SEC14L1: variants seen among roughly 807,000 people sequenced by gnomAD.
SEC14L1 encodes SEC14 like lipid binding 1, also known as SEC14-like protein 1.
SEC14L1 carries 48 observed loss-of-function variants against 85.3 expected under a neutral mutation model. The observed-to-expected ratio is 0.56, with a 90% CI of 0.45 to 0.72. The LOEUF is 0.72. Ranked by LOEUF, SEC14L1 falls within the 30% of genes least tolerant of loss-of-function variation. SEC14L1 has a pLI of 0.00. For synonymous variants in SEC14L1, 391 were observed against 355.5 expected (o/e 1.10, Z -1.12); for missense variants, 682 against 921.4 (o/e 0.74, Z 3.36).
chr17:77,175,933 TG>T (rs1241486004), intron 3 of SEC14L1, among the ~76,000 whole-genome samples: 2 of 152,082 alleles, frequency 1.3e-5, no homozygotes, highest in Non-Finnish European at 2.9e-5. Flanking sequence ...CTGATTGGTT[TG>T]TGAGTATGCA....
chr17:77,103,508 C>T (rs2143326194), intron 3 of SEC14L1, among the ~76,000 whole-genome samples: 1 of 150,778 alleles, frequency 6.6e-6, no homozygotes, highest in Middle Eastern at 3.5e-3. Flanking sequence ...GTGGTGTCAT[C>T]TCAGCTCACT....
At chr17:77,203,921 C>G (rs1361066969) in intron 10 of SEC14L1, among the ~76,000 whole-genome samples, 1 of 152,140 alleles carries the variant, frequency 6.6e-6, no homozygotes, top group Non-Finnish European at 1.5e-5. Flanking sequence ...TTTTCATTCA[C>G]TCCCATGTGG....
intron 3 of SEC14L1, among the ~76,000 whole-genome samples, chr17:77,103,175 C>T (rs938429328): frequency 6.6e-6 from 1 of 151,618 alleles, no homozygotes; most frequent in Admixed American, 6.6e-5. Context: ...TGCAGTGGCA[C>T]GATCTCAGCT....
At chr17:77,158,193 C>G (rs1156927421) in intron 3 of SEC14L1, among the ~76,000 whole-genome samples, 1 of 152,218 alleles carries the variant, frequency 6.6e-6, no homozygotes, top group Non-Finnish European at 1.5e-5. Context: ...CGGCCTGTAA[C>G]CACTTTTAAG....
At chr17:77,190,691 G>T in intron 3 of SEC14L1, 112 bp from the exon 4 acceptor site, 1 of 1,023,282 alleles carries the variant, frequency 9.8e-7, no homozygotes. Context: ...CAGTTGTGGC[G>T]CTGCCTGTTG....
In SEC14L1 at chr17:77,203,494, G is replaced by A. The variant is rs140085952; in HGVS notation, c.1010-76G>A. The A allele has an allele frequency of 9.2e-5, 118 of 1,284,592 alleles. No individual in the cohort carries two copies. The East Asian group carries it at 2.6e-3, about 28-fold the overall frequency. The allele number at this position is 1,284,592 out of a possible 1,614,324, so 79.6% of individuals were successfully genotyped here. On this transcript the variant is annotated intron_variant, in intron 9 of 16. Coordinates refer to ENST00000436233, the MANE Select transcript of SEC14L1 (RefSeq NM_001143998.2). The stretch of plus-strand genomic sequence containing the variant: ...AGAACACAGGCGAACACATATTCCT[G>A]TTAAGGGTCTTAGAGTTGTATCCTC...
chr17:77,149,224 T>TG (rs1255842672), intron 3 of SEC14L1, among the ~76,000 whole-genome samples: 13 of 152,240 alleles, frequency 8.5e-5, no homozygotes, highest in Non-Finnish European at 1.8e-4. Flanking sequence ...TCTTGAGTGT[T>TG]GCTCTCATAC....
At chr17:77,102,464 A>C (rs1301997353) in intron 3 of SEC14L1, among the ~76,000 whole-genome samples, 1 of 152,138 alleles carries the variant, frequency 6.6e-6, no homozygotes, top group Non-Finnish European at 1.5e-5. Flanking sequence ...AGGATATGGA[A>C]GTGAAGGGTA....
At chr17:77,141,563 T>G (rs1479114465) in intron 1 of SEC14L1, 2 of 152,086 alleles carry the variant, frequency 1.3e-5, no homozygotes. Context: ...TTGGCTCCTG[T>G]TTAAACAGCG....
intron 3 of SEC14L1, among the ~76,000 whole-genome samples, chr17:77,131,384 C>T (rs1005258568): frequency 6.6e-6 from 1 of 152,164 alleles, no homozygotes; most frequent in African/African-American, 2.4e-5. Context: ...ATTCCCCAGC[C>T]TCAGCCTCCC....
At chr17:77,147,036 C>T (rs1295658305) in intron 3 of SEC14L1, among the ~76,000 whole-genome samples, 2 of 152,176 alleles carry the variant, frequency 1.3e-5, no homozygotes, top group African/African-American at 2.4e-5. Flanking sequence ...CTTCCGCCGG[C>T]GGACTTGTGA....
intron 2 of SEC14L1, among the ~76,000 whole-genome samples, chr17:77,092,616 TA>T (rs1971543603): frequency 6.6e-6 from 1 of 152,110 alleles, no homozygotes; most frequent in African/African-American, 2.4e-5. Flanking sequence ...AGCAGGTTTC[TA>T]AGGGCAACGT....
At chr17:77,159,762 TGAAAA>T (rs1973978796) in intron 3 of SEC14L1, among the ~76,000 whole-genome samples, 1 of 152,236 alleles carries the variant, frequency 6.6e-6, no homozygotes, top group African/African-American at 2.4e-5. Context: ...TTCCATCTGT[TGAAAA>T]TACAGCTTTA....
chr17:77,120,766 T>C (rs1598249209), intron 3 of SEC14L1, among the ~76,000 whole-genome samples: 1 of 152,180 alleles, frequency 6.6e-6, no homozygotes, highest in South Asian at 2.1e-4. Context: ...CGTGAGCCAC[T>C]GCGACCGGCC....
At chr17:77,163,602 T>A (rs544187923) in intron 3 of SEC14L1, among the ~76,000 whole-genome samples, 2 of 152,386 alleles carry the variant, frequency 1.3e-5, no homozygotes, top group South Asian at 4.1e-4. Flanking sequence ...CAGACTTTTC[T>A]GAGCCTGTTC....
chr17:77,185,696 T>G (rs1598362102), intron 3 of SEC14L1, among the ~76,000 whole-genome samples: 1 of 152,212 alleles, frequency 6.6e-6, no homozygotes, highest in Non-Finnish European at 1.5e-5. Context: ...CAGTTTTTTT[T>G]GTTTTTGTTT....
intron 3 of SEC14L1, among the ~76,000 whole-genome samples, chr17:77,108,695 T>C (rs574064516): frequency 6.8e-6 from 1 of 146,012 alleles, no homozygotes; most frequent in African/African-American, 2.5e-5. Context: ...GCCAAGATCA[T>C]GCCACTGCAT....
At chr17:77,212,680 G>C (rs1327441374) in intron 15 of SEC14L1, 1 of 176,388 alleles carries the variant, frequency 5.7e-6, no homozygotes, top group Non-Finnish European at 1.2e-5. Context: ...GCTCACAGTA[G>C]CCTCGGGGCG....
intron 3 of SEC14L1, among the ~76,000 whole-genome samples, chr17:77,166,279 T>C (rs932607864): frequency 4.6e-5 from 7 of 152,216 alleles, no homozygotes. Context: ...AAACATTTTA[T>C]GTTTTCTTAT....
Sources: allele counts gnomAD v4.1 joint callset (sites outside exome capture counted in the v4.1 genomes callset), GRCh38; gene constraint gnomAD v4.1.1; transcripts MANE v1.5; gene names NCBI Gene and HGNC (gene_info 2026-07-23, HGNC 2026-07-21).